The following MDGA2 variants were observed in gnomAD, a reference collection of about 807,000 sequenced individuals.
MDGA2 encodes MAM domain containing glycosylphosphatidylinositol anchor 2.
Under a neutral mutation model 117.8 loss-of-function variants are expected in MDGA2, and 40 were observed. The observed-to-expected ratio is 0.34, with a 90% CI of 0.26 to 0.44. The LOEUF (loss-of-function observed/expected upper bound fraction) is 0.44, where lower values mean the gene tolerates loss of function less well. Ranked by LOEUF, MDGA2 falls within the 20% of genes least tolerant of loss-of-function variation. MDGA2 has a pLI of 1.00. For missense variants in MDGA2, 1,123 were observed against 1,250.6 expected (o/e 0.90, Z 1.54); for synonymous variants, 452 against 439.0 (o/e 1.03, Z -0.37).
chr14:47,136,362 A>G (rs1882456874), intron 4 of MDGA2, among the ~76,000 whole-genome samples: 1 of 151,810 alleles, frequency 6.6e-6, no homozygotes, highest in South Asian at 2.1e-4. Context: ...ACACTGGGAT[A>G]ATTTTTATAT....
chr14:47,489,116 T>TATAATAAATTG (rs1894116823), intron 1 of MDGA2, among the ~76,000 whole-genome samples: 2 of 152,046 alleles, frequency 1.3e-5, no homozygotes, highest in Non-Finnish European at 2.9e-5. Context: ...CAATTTAAGT[T>TATAATAAATTG]CCTTGTTAGT....
chr14:47,509,648 G>A (rs1324741392), intron 1 of MDGA2, among the ~76,000 whole-genome samples: 1 of 152,194 alleles, frequency 6.6e-6, no homozygotes, highest in Non-Finnish European at 1.5e-5. Flanking sequence ...GGCCTGGAAA[G>A]CAGAGTATCA....
At chr14:47,063,692 T>A (rs914360908) in intron 6 of MDGA2, among the ~76,000 whole-genome samples, 1 of 152,054 alleles carries the variant, frequency 6.6e-6, no homozygotes, top group Admixed American at 6.6e-5. Context: ...ATTTTCTTTA[T>A]CCTGTTTTTA....
At chr14:47,603,589 T>G (rs1896686073) in intron 1 of MDGA2, among the ~76,000 whole-genome samples, 1 of 152,172 alleles carries the variant, frequency 6.6e-6, no homozygotes, top group African/African-American at 2.4e-5. Context: ...AGGATTTGTT[T>G]CCAGTTCCCC....
chr14:47,219,480 A>G (rs1371888947), intron 2 of MDGA2, among the ~76,000 whole-genome samples: 1 of 152,064 alleles, frequency 6.6e-6, no homozygotes, highest in Non-Finnish European at 1.5e-5. Flanking sequence ...GATTTCCAGT[A>G]GTTTATAAAT....
chr14:47,061,215 A>T (rs1230125489), intron 7 of MDGA2, 34 bp downstream of exon 7: 4 of 1,546,404 alleles, frequency 2.6e-6, no homozygotes, highest in Non-Finnish European at 3.5e-6. Flanking sequence ...TCTAAATGTG[A>T]ACATCTTTTA....
intron 1 of MDGA2, among the ~76,000 whole-genome samples, chr14:47,310,603 T>C (rs1026178844): frequency 6.6e-6 from 1 of 152,110 alleles, no homozygotes; most frequent in Non-Finnish European, 1.5e-5. Context: ...AATGAATATA[T>C]ATATATATGT....
intron 1 of MDGA2, among the ~76,000 whole-genome samples, chr14:47,671,521 A>G (rs966079533): frequency 5.3e-5 from 8 of 152,178 alleles, no homozygotes; most frequent in African/African-American, 1.9e-4. Context: ...TTAGGCTACA[A>G]TGAAGTGATT....
At chr14:47,597,951 G>T (rs947770737) in intron 1 of MDGA2, among the ~76,000 whole-genome samples, 1 of 151,452 alleles carries the variant, frequency 6.6e-6, no homozygotes, top group African/African-American at 2.4e-5. Flanking sequence ...GATTGATTAA[G>T]ACATTGAGCG....
At chr14:47,351,454 T>G (rs780865383) in intron 1 of MDGA2, among the ~76,000 whole-genome samples, 2 of 152,126 alleles carry the variant, frequency 1.3e-5, no homozygotes, top group Non-Finnish European at 2.9e-5. Flanking sequence ...ATAACTATAT[T>G]TTTATCCTTT....
intron 14 of MDGA2, among the ~76,000 whole-genome samples, chr14:46,861,979 G>GT (rs1438943862): frequency 6.6e-6 from 1 of 151,862 alleles, no homozygotes; most frequent in Non-Finnish European, 1.5e-5. Flanking sequence ...TAGTATTATA[G>GT]TAAAAAAAAC....
chr14:47,329,216 G>A (rs887255658), intron 1 of MDGA2, among the ~76,000 whole-genome samples: 5 of 152,044 alleles, frequency 3.3e-5, no homozygotes. Context: ...ACACGTGTGA[G>A]CCATCATGCT....
chr14:47,374,840 T>C, intron 1 of MDGA2, among the ~76,000 whole-genome samples: 1 of 152,074 alleles, frequency 6.6e-6, no homozygotes, highest in East Asian at 1.9e-4. Flanking sequence ...ACTAACTTAT[T>C]AGATGTTAAG....
chr14:47,332,191 T>G (rs1447159144), intron 1 of MDGA2, among the ~76,000 whole-genome samples: 1 of 152,040 alleles, frequency 6.6e-6, no homozygotes, highest in African/African-American at 2.4e-5. Flanking sequence ...TCATATTCAT[T>G]GTCTCAGCTT....
intron 10 of MDGA2, among the ~76,000 whole-genome samples, chr14:46,889,754 C>T (rs1422645022): frequency 6.6e-6 from 1 of 151,926 alleles, no homozygotes; most frequent in Non-Finnish European, 1.5e-5. Flanking sequence ...AATACCAGGC[C>T]CCATTCCTTG....
chr14:47,110,571 G>C (rs1459542178), intron 5 of MDGA2, among the ~76,000 whole-genome samples: 1 of 152,128 alleles, frequency 6.6e-6, no homozygotes, highest in African/African-American at 2.4e-5. Context: ...CTTTATCACA[G>C]TGTAATATTT....
chr14:47,247,736 G>A (rs1481962867), intron 2 of MDGA2, among the ~76,000 whole-genome samples: 1 of 151,024 alleles, frequency 6.6e-6, no homozygotes, highest in Non-Finnish European at 1.5e-5. Context: ...GTGGTTTGCT[G>A]TACCCATCAA....
At chr14:47,541,988 C>T (rs1020078721) in intron 1 of MDGA2, among the ~76,000 whole-genome samples, 6 of 152,126 alleles carry the variant, frequency 3.9e-5, no homozygotes, top group Non-Finnish European at 7.3e-5. Flanking sequence ...GCTCTCTCAA[C>T]GCATTATCAT....
At chr14:47,103,709 G>T (rs560470342) in intron 5 of MDGA2, among the ~76,000 whole-genome samples, 1 of 152,316 alleles carries the variant, frequency 6.6e-6, no homozygotes, top group African/African-American at 2.4e-5. Flanking sequence ...TAACTTTTAG[G>T]AAGAGATGCG....
Sources: gnomAD v4.1 joint callset for allele counts (sites outside exome capture counted in the v4.1 genomes callset) on GRCh38, gnomAD v4.1.1 for gene constraint, MANE v1.5 for transcripts, NCBI Gene and HGNC (gene_info 2026-07-23, HGNC 2026-07-21) for gene names.